The following SPACA1 variants were observed in gnomAD, a reference collection of about 807,000 sequenced individuals.
The protein encoded by SPACA1 is sperm acrosome membrane-associated protein 1.
In SPACA1, 17 loss-of-function variants were observed where a neutral mutation model predicts 32.6. The observed-to-expected ratio is 0.52, with a 90% CI of 0.36 to 0.78. The LOEUF (loss-of-function observed/expected upper bound fraction) is 0.78, where lower values mean the gene tolerates loss of function less well. Ranked by LOEUF, SPACA1 falls within the 30% of genes least tolerant of loss-of-function variation. SPACA1 has a pLI of 0.01. For missense variants in SPACA1, 363 were observed against 373.4 expected (o/e 0.97, Z 0.23); for synonymous variants, 140 against 138.1 (o/e 1.01, Z -0.10).
intron 1 of SPACA1, among the ~76,000 whole-genome samples, chr6:88,050,410 T>G (rs1036012864): frequency 2.6e-5 from 4 of 152,358 alleles, no homozygotes; most frequent in Admixed American, 2.0e-4. Context: ...GCTTATACAA[T>G]CAATTTCATC....
intron 1 of SPACA1, among the ~76,000 whole-genome samples, chr6:88,051,977 T>TA (rs1459225364): frequency 1.3e-5 from 2 of 152,240 alleles, no homozygotes; most frequent in Non-Finnish European, 2.9e-5. Flanking sequence ...ACTGTGGTCT[T>TA]AGAGTTTAAA....
At chr6:88,048,678 A>C (rs1775683494) in intron 1 of SPACA1, among the ~76,000 whole-genome samples, 1 of 152,222 alleles carries the variant, frequency 6.6e-6, no homozygotes, top group African/African-American at 2.4e-5. Context: ...CGGACAAAGG[A>C]ATGGAGCAGT....
In SPACA1 at chr6:88,064,127, A is replaced by G. The variant is rs969490607; in HGVS notation, c.639A>G (p.Pro213=). 6.2e-7 allele frequency: 1 copy of G among 1,613,566 alleles called. No homozygotes were observed. Among genetic ancestry groups the G allele is most frequent in the African/African-American group, 1.3e-5 (1 of 75,006 alleles). ...SELQMRRSSL[P]ATDAALIFVL... Reference sequence around the variant, plus strand: ...TGCAGATGAGAAGATCAAGCCTACCAGCCACTGATGCAGCCCTAATTTTTG... The same window carrying G: ...TGCAGATGAGAAGATCAAGCCTACCGGCCACTGATGCAGCCCTAATTTTTG... Residue 213 remains proline, a synonymous_variant, in exon 6 of 7, where the codon CCA becomes CCG. Transcript: ENST00000237201.
At chr6:88,064,030 CT>C in intron 5 of SPACA1, 68 bp from the exon 6 acceptor site, 1 of 1,505,884 alleles carries the variant, frequency 6.6e-7, no homozygotes, top group Non-Finnish European at 8.9e-7. Context: ...CAAATATAAA[CT>C]TTTAAGTTAG....
At chr6:88,058,040 G>A (rs1164448753) in intron 3 of SPACA1, among the ~76,000 whole-genome samples, 1 of 152,092 alleles carries the variant, frequency 6.6e-6, no homozygotes, top group Admixed American at 6.6e-5. Context: ...TCAGTAGATT[G>A]GTAGACTTTA....
intron 2 of SPACA1, among the ~76,000 whole-genome samples, chr6:88,054,298 C>A (rs981737896): frequency 6.6e-6 from 1 of 150,434 alleles, no homozygotes; most frequent in Non-Finnish European, 1.5e-5. Flanking sequence ...GTTCAGAAGA[C>A]GAAAGATTTT....
intron 2 of SPACA1, among the ~76,000 whole-genome samples, chr6:88,055,835 G>T (rs1170469447): frequency 6.6e-6 from 1 of 152,174 alleles, no homozygotes; most frequent in Non-Finnish European, 1.5e-5. Context: ...GCTGGGTGCG[G>T]TGGCACATAC....
intron 3 of SPACA1, 62 bp downstream of exon 3, chr6:88,057,775 T>G: frequency 6.9e-7 from 1 of 1,450,168 alleles, no homozygotes; most frequent in Non-Finnish European, 9.7e-7. Flanking sequence ...GGAAATATTT[T>G]TCACCTCAGG....
intron 5 of SPACA1, among the ~76,000 whole-genome samples, chr6:88,060,910 T>C (rs1414467039): frequency 1.3e-5 from 2 of 152,232 alleles, no homozygotes; most frequent in African/African-American, 2.4e-5. Flanking sequence ...CAGGCCTTTA[T>C]TGAGACAAAG....
chr6:88,059,793 C>A (rs1775865987), intron 5 of SPACA1, among the ~76,000 whole-genome samples: 1 of 152,174 alleles, frequency 6.6e-6, no homozygotes, highest in African/African-American at 2.4e-5. Context: ...CTTTGAGAAC[C>A]ACTGGTTTAC....
upstream of SPACA1, chr6:88,047,815 A>G: frequency 3.9e-6 from 5 of 1,268,878 alleles, no homozygotes; most frequent in South Asian, 3.1e-5. Context: ...CCGGGCGGCT[A>G]CGGGCGGGGT....
chr6:88,063,933 T>G, intron 5 of SPACA1, 166 bp from the exon 6 acceptor site: 2 of 667,610 alleles, frequency 3.0e-6, no homozygotes, highest in Non-Finnish European at 4.4e-6. Context: ...TTTTCATGTT[T>G]GAAAAGGACA....
At chr6:88,055,054 A>C (rs367598270) in intron 2 of SPACA1, among the ~76,000 whole-genome samples, 5 of 151,740 alleles carry the variant, frequency 3.3e-5, no homozygotes, top group Admixed American at 1.3e-4. Flanking sequence ...TTTTTTTTTA[A>C]CCTTAATTTC....
intron 6 of SPACA1, among the ~76,000 whole-genome samples, chr6:88,065,307 TAA>T (rs1357181253): frequency 6.8e-6 from 1 of 148,026 alleles, no homozygotes; most frequent in Non-Finnish European, 1.5e-5. Flanking sequence ...AGAGAAGAGG[TAA>T]TATATATTAT....
In SPACA1 at chr6:88,058,832, G is replaced by A; in HGVS notation, c.474+10G>A. 2 of 1,562,162 alleles carry A rather than the reference G, an allele frequency of 1.3e-6. No individual in the cohort carries two copies. The highest frequency in any genetic ancestry group is 1.8e-6 in the Non-Finnish European group (2 of 1,134,406). On this transcript the variant is annotated intron_variant, in intron 4 of 6. Transcript: ENST00000237201. ...TCTAAGACAAGACCAAGTGAGTAAT[G>A]AATGGATATAACCTGGTGCTTTCTA...
chr6:88,061,509 AACAG>A (rs1187576947), intron 5 of SPACA1, among the ~76,000 whole-genome samples: 1 of 152,022 alleles, frequency 6.6e-6, no homozygotes, highest in African/African-American at 2.4e-5. Context: ...GACACAGAGA[AACAG>A]ACATAGGGAG....
intron 2 of SPACA1, among the ~76,000 whole-genome samples, chr6:88,056,670 C>T (rs1775813461): frequency 6.6e-6 from 1 of 152,104 alleles, no homozygotes; most frequent in African/African-American, 2.4e-5. Flanking sequence ...TTCCCTTTGC[C>T]CTCTAAGATA....
intron 5 of SPACA1, 52 bp from the exon 6 acceptor site, chr6:88,064,047 C>T: frequency 1.3e-6 from 2 of 1,546,470 alleles, no homozygotes; most frequent in Non-Finnish European, 1.7e-6. Context: ...GTTAGATATT[C>T]ATTTCCTTTT....
At position 88,063,106 on chromosome 6, in the gene SPACA1, T is replaced by C. The variant is rs546020384; in HGVS notation, c.611-993T>C. Among the ~76,000 whole-genome samples, 15 of 152,300 alleles carry C rather than the reference T, an allele frequency of 9.8e-5. No homozygotes were observed. In the South Asian group the frequency reaches 3.1e-3, roughly 32 times the overall value. On this transcript the variant is annotated intron_variant, in intron 5 of 6. Transcript: ENST00000237201. The stretch of plus-strand genomic sequence containing the variant: ...CAAGCCAAAATCTGGTAGAAAACAT[T>C]TATAAAACCTGTACAGTCAGTACAA...
Sources: allele counts gnomAD v4.1 joint callset (sites outside exome capture counted in the v4.1 genomes callset), GRCh38; gene constraint gnomAD v4.1.1; transcripts MANE v1.5; gene names NCBI Gene and HGNC (gene_info 2026-07-23, HGNC 2026-07-21).